ZNF148: variants seen among roughly 807,000 people sequenced by gnomAD.
The protein encoded by ZNF148 is zinc finger protein 148, also known as Beta-Enolase Repressor Factor-1.
In ZNF148, 7 loss-of-function variants were observed where a neutral mutation model predicts 67.7. The observed-to-expected ratio is 0.10, with a 90% CI of 0.06 to 0.19. ZNF148 has a LOEUF of 0.19. Ranked by LOEUF, ZNF148 falls within the 10% of genes least tolerant of loss-of-function variation. The pLI, the probability that ZNF148 is intolerant of heterozygous loss-of-function variation, is 1.00. For missense variants in ZNF148, 583 were observed against 947.1 expected (o/e 0.62, Z 5.05); for synonymous variants, 333 against 330.7 (o/e 1.01, Z -0.08).
intron 1 of ZNF148, among the ~76,000 whole-genome samples, chr3:125,337,072 T>C (rs1941530840): frequency 6.7e-6 from 1 of 149,842 alleles, no homozygotes; most frequent in African/African-American, 2.5e-5. Context: ...ATTAGTGTGG[T>C]TACTGCACTT....
intron 1 of ZNF148, among the ~76,000 whole-genome samples, chr3:125,355,487 A>G (rs1462662032): frequency 1.3e-5 from 2 of 152,204 alleles, no homozygotes; most frequent in African/African-American, 4.8e-5. Context: ...ATTGCATTCG[A>G]TTTAAAATGT....
intron 1 of ZNF148, among the ~76,000 whole-genome samples, chr3:125,366,876 T>G (rs1942719835): frequency 3.9e-5 from 6 of 152,176 alleles, no homozygotes; most frequent in Admixed American, 3.9e-4. Flanking sequence ...CTTCAAAGAC[T>G]AGCTAAAATT....
At chr3:125,283,785 A>T (rs968371279) in intron 5 of ZNF148, among the ~76,000 whole-genome samples, 14 of 152,272 alleles carry the variant, frequency 9.2e-5, no homozygotes, top group African/African-American at 3.1e-4. Flanking sequence ...TACATAATTC[A>T]ATCTTTCTGA....
chr3:125,260,604 G>C (rs1359790023), intron 7 of ZNF148, among the ~76,000 whole-genome samples: 2 of 152,210 alleles, frequency 1.3e-5, no homozygotes, highest in African/African-American at 4.8e-5. Flanking sequence ...GTCATGGGGT[G>C]TTGGTAGGAG....
intron 1 of ZNF148, chr3:125,356,933 A>G (rs1315747210): frequency 6.6e-6 from 1 of 152,244 alleles, no homozygotes; most frequent in East Asian, 1.9e-4. Flanking sequence ...TTTGCTCTTA[A>G]TACCCAGTAA....
In ZNF148 at chr3:125,257,912, T is replaced by A. The variant is rs1196735609; in HGVS notation, c.667+19814A>T. On this transcript the variant is annotated intron_variant, in intron 7 of 8. Transcript: ENST00000360647. ...TCCTTCACCTTCCCTACCTTTATAGTGTTCCTTCTAGTCAGTGACAAGCAA... is the reference window on the plus strand; with the variant it reads ...TCCTTCACCTTCCCTACCTTTATAGAGTTCCTTCTAGTCAGTGACAAGCAA... 2.0e-5 allele frequency among the ~76,000 whole-genome samples: 3 copies of A among 152,178 alleles called. No homozygotes were observed. In the East Asian group the frequency reaches 5.8e-4, roughly 29 times the overall value.
At chr3:125,284,664 G>C (rs1938563307) in intron 5 of ZNF148, among the ~76,000 whole-genome samples, 1 of 152,088 alleles carries the variant, frequency 6.6e-6, no homozygotes, top group Admixed American at 6.6e-5. Flanking sequence ...ACACCTTAAA[G>C]ATTTCCCCCA....
intron 1 of ZNF148, among the ~76,000 whole-genome samples, chr3:125,332,551 A>G (rs934839814): frequency 2.0e-5 from 3 of 152,210 alleles, no homozygotes; most frequent in African/African-American, 4.8e-5. Context: ...CTAATTTAAG[A>G]GTATATTTTT....
chr3:125,280,719 G>C (rs1360715737), intron 5 of ZNF148, among the ~76,000 whole-genome samples: 1 of 130,856 alleles, frequency 7.6e-6, no homozygotes, highest in Non-Finnish European at 1.6e-5. Context: ...ACATGTGGAA[G>C]AGTGAAAATA....
At chr3:125,354,239 T>C (rs192408853) in intron 1 of ZNF148, among the ~76,000 whole-genome samples, 50 of 152,284 alleles carry the variant, frequency 3.3e-4, no homozygotes, top group Non-Finnish European at 1.6e-4. Flanking sequence ...TTTGCTCATA[T>C]TGTCTTTTTG....
At chr3:125,274,138 C>T (rs1296929665) in intron 7 of ZNF148, among the ~76,000 whole-genome samples, 3 of 151,996 alleles carry the variant, frequency 2.0e-5, no homozygotes, top group African/African-American at 2.4e-5. Flanking sequence ...GGAAAGGGCA[C>T]GTCAGACAAA....
intron 5 of ZNF148, among the ~76,000 whole-genome samples, chr3:125,281,912 G>C (rs902475402): frequency 1.3e-5 from 2 of 152,050 alleles, no homozygotes; most frequent in African/African-American, 4.8e-5. Flanking sequence ...CTTCCAATTT[G>C]TAACCTGTTT....
chr3:125,333,014 T>C (rs1941350756), intron 1 of ZNF148, among the ~76,000 whole-genome samples: 1 of 152,170 alleles, frequency 6.6e-6, no homozygotes, highest in Non-Finnish European at 1.5e-5. Flanking sequence ...AAAAAATGTC[T>C]TCACATTATG....
chr3:125,303,757 T>C (rs942903751), intron 4 of ZNF148, among the ~76,000 whole-genome samples: 5 of 151,982 alleles, frequency 3.3e-5, no homozygotes, highest in African/African-American at 1.2e-4. Flanking sequence ...ATACATGTAA[T>C]GCTTTTGAAT....
intron 7 of ZNF148, among the ~76,000 whole-genome samples, chr3:125,263,124 T>C (rs1937415246): frequency 1.3e-5 from 2 of 152,382 alleles, no homozygotes; most frequent in Non-Finnish European, 2.9e-5. Flanking sequence ...ATTCCATTCA[T>C]CCATTTAAAG....
At position 125,232,137 on chromosome 3, in the gene ZNF148, A is replaced by G; in HGVS notation, c.*204T>C. On this transcript the variant is annotated 3_prime_UTR_variant, in exon 9 of 9. Transcript: ENST00000360647. The surrounding 1 kb of genome is among the most constrained non-coding windows in gnomAD (Gnocchi z 4.2). ...AAACAAGTAATGCATTGCTTCTATA[A>G]AGGTGACAACATGTAAGGCAGTTCA... 1 of 531,774 alleles carries G rather than the reference A, an allele frequency of 1.9e-6. No homozygotes were observed. Among genetic ancestry groups the G allele is most frequent in the Non-Finnish European group, 3.1e-6 (1 of 320,882 alleles). The allele number at this position is 531,774 out of a possible 1,614,324, so 32.9% of individuals were successfully genotyped here.
chr3:125,232,435 G>A lies in ZNF148; in HGVS notation c.2291C>T (p.Ala764Val), dbSNP rs1270598544. The change falls in exon 9 of 9, where the codon GCT (alanine) becomes GTT (valine). Residue 764 changes from alanine to valine, a missense_variant. This residue lies in a region of ZNF148 where 158 missense variants were observed against 208.4 expected (regional missense o/e 0.76). Transcript: ENST00000360647. This position sits in a 1 kb window ranked among gnomAD's most constrained non-coding sequence, Gnocchi z 4.2. ...QVNLRGPGTS[A>V]EFSEFPLVNV... ...CACCAAGGGAAATTCTGAAAATTCA[G>A]CACTTGTCCCTGGTCCCCGAAGGTT... 1.2e-6 allele frequency: 2 copies of A among 1,613,416 alleles called. No homozygotes were observed. Among genetic ancestry groups the A allele is most frequent in the South Asian group, 2.2e-5 (2 of 91,072 alleles).
intron 3 of ZNF148, among the ~76,000 whole-genome samples, chr3:125,319,048 G>A (rs1940651719): frequency 6.6e-6 from 1 of 151,808 alleles, no homozygotes; most frequent in African/African-American, 2.4e-5. Flanking sequence ...CACGTGTTTA[G>A]TTCAGCTGTG....
intron 7 of ZNF148, among the ~76,000 whole-genome samples, chr3:125,267,747 G>T (rs1937566453): frequency 6.6e-6 from 1 of 152,048 alleles, no homozygotes; most frequent in Non-Finnish European, 1.5e-5. Context: ...GCAAGGGAAA[G>T]AAATAAAAGA....
Sources: allele counts gnomAD v4.1 joint callset (sites outside exome capture counted in the v4.1 genomes callset), GRCh38; gene constraint gnomAD v4.1.1; regional missense constraint gnomAD v4.1.1; non-coding constraint Gnocchi (gnomAD v3.1); transcripts MANE v1.5; gene names NCBI Gene and HGNC (gene_info 2026-07-23, HGNC 2026-07-21).